CCDC88C: variants seen among roughly 807,000 people sequenced by gnomAD.
CCDC88C encodes the protein coiled-coil and HOOK domain protein 88C, also known as protein Daple.
In CCDC88C, 131 loss-of-function variants were observed where a neutral mutation model predicts 198.8. That is an observed-to-expected ratio of 0.66 (90% confidence interval 0.57 to 0.76). The LOEUF (loss-of-function observed/expected upper bound fraction) is 0.76, where lower values mean the gene tolerates loss of function less well. Ranked by LOEUF, CCDC88C falls within the 30% of genes least tolerant of loss-of-function variation. CCDC88C has a pLI of 0.00. For synonymous variants in CCDC88C, 1,166 were observed against 1,114.7 expected, an observed-to-expected ratio of 1.05 and a Z score of -0.92; for missense variants, 2,553 against 2,631.6, an observed-to-expected ratio of 0.97 and a Z score of 0.65.
At chr14:91,277,859 C>CTTGA (rs1890027844) in intron 29 of CCDC88C, 63 bp downstream of exon 29, 2 of 1,442,860 alleles carry the variant, frequency 1.4e-6, no homozygotes, top group Non-Finnish European at 1.8e-6. Context: ...CAGCTATGAT[C>CTTGA]TTGAGCCAGG....
chr14:91,372,006 C>T (rs551977941), intron 3 of CCDC88C, among the ~76,000 whole-genome samples: 6 of 152,298 alleles, frequency 3.9e-5, no homozygotes, highest in Non-Finnish European at 8.8e-5. Flanking sequence ...CCAACCTGAG[C>T]CCAGGCCTCA....
At position 91,393,773 on chromosome 14, in the gene CCDC88C, G is replaced by A. The variant is rs555838215; in HGVS notation, c.270+14886C>T. Among the ~76,000 whole-genome samples the A allele has an allele frequency of 4.6e-5, 7 of 152,346 alleles. No homozygotes were observed. In the South Asian group the frequency reaches 1.4e-3, roughly 32 times the overall value. On this transcript the variant is annotated intron_variant, in intron 3 of 29. Coordinates refer to ENST00000389857, the MANE Select transcript of CCDC88C (RefSeq NM_001080414.4). ...GGAGGCTGAGGCAGGAGAATTGCTT[G>A]AACCTGGGAGACAGAGGTTGCAGTG...
chr14:91,272,872 G>A lies in CCDC88C; in HGVS notation c.5840C>T (p.Ser1947Leu). ...AGGGGTGATGGTGGCCACCTCCCCT[G>A]AGCGTGGGGGCGCCTTGGGCTTGGT... ...ARTKPKAPPR[S>L]GEVATITPVR... The change falls in exon 30 of 30, where the codon TCA (serine) becomes TTA (leucine). Residue 1947 changes from serine (S) to leucine (L), a missense_variant. Ser to Leu is a moderately radical substitution (Grantham distance 145). This residue lies in a region of CCDC88C where 1,293 missense variants were observed against 1,219.6 expected (regional missense o/e 1.06). Coordinates refer to ENST00000389857, the MANE Select transcript of CCDC88C (RefSeq NM_001080414.4). 1 of 1,591,320 alleles carries A rather than the reference G, an allele frequency of 6.3e-7. No homozygotes were observed.
At chr14:91,415,345 C>T (rs1018864338) in intron 2 of CCDC88C, among the ~76,000 whole-genome samples, 58 of 150,584 alleles carry the variant, frequency 3.9e-4, no homozygotes, top group African/African-American at 1.2e-3. Flanking sequence ...TTGGTAGTGA[C>T]TTTTTTTCCT....
In CCDC88C at chr14:91,417,188, G is replaced by GC. The variant is rs147942523; in HGVS notation, c.61-351dup. ...CAGTCTGTTCGCTTTCCCATTCGGC[G>GC]CCCCCCATTCCCCACCCGTCACCGC... On this transcript the variant is annotated intron_variant, in intron 1 of 29. Coordinates refer to ENST00000389857, the MANE Select transcript of CCDC88C (RefSeq NM_001080414.4). 3 of 702,866 alleles carry GC rather than the reference G, an allele frequency of 4.3e-6. No homozygotes were observed. The African/African-American group carries it at 5.2e-5, about 12-fold the overall frequency. 43.5% of individuals were successfully genotyped at this position (702,866 alleles called of 1,614,324 possible). A position where few individuals can be genotyped will look rare whatever the true frequency, so the allele number is the denominator to read the frequency against.
intron 29 of CCDC88C, among the ~76,000 whole-genome samples, chr14:91,274,176 G>A (rs904358561): frequency 6.6e-6 from 1 of 151,018 alleles, no homozygotes; most frequent in African/African-American, 2.4e-5. Context: ...CTCTGGGCCC[G>A]AGAAAGAGAA....
chr14:91,323,126 G>A (rs1304427913), intron 12 of CCDC88C, among the ~76,000 whole-genome samples: 2 of 151,996 alleles, frequency 1.3e-5, no homozygotes, highest in Non-Finnish European at 2.9e-5. Flanking sequence ...GGCTGGTCTT[G>A]AACTCCTGAC....
chr14:91,309,283 CTG>C (rs1168974495), intron 16 of CCDC88C, among the ~76,000 whole-genome samples: 1 of 152,076 alleles, frequency 6.6e-6, no homozygotes, highest in East Asian at 1.9e-4. Flanking sequence ...CAGGGAAAAA[CTG>C]TAATAGTCTA....
At chr14:91,363,632 G>T (rs746453259) in intron 3 of CCDC88C, among the ~76,000 whole-genome samples, 5 of 152,192 alleles carry the variant, frequency 3.3e-5, no homozygotes, top group Non-Finnish European at 5.9e-5. Context: ...GTATTCCCAG[G>T]TTGTTCCAAA....
In CCDC88C at chr14:91,338,035, G is replaced by A. The variant is rs17127255; in HGVS notation, c.1020C>T (p.His340=). 6.0e-3 allele frequency: 9,676 copies of A among 1,613,004 alleles called. 529 individuals carry two copies. The African/African-American group carries it at 0.11, about 18-fold the overall frequency. Residue 340 remains histidine, a synonymous_variant, in exon 10 of 30, where the codon CAC becomes CAT. Transcript: ENST00000389857. The surrounding 1 kb of genome is among the most constrained non-coding windows in gnomAD (Gnocchi z 4.8). The stretch of plus-strand genomic sequence containing the variant: ...TGCGGGCCTTGTAGAAGTCCACGTC[G>A]TGCAGCTTCTCCTTGCAGCGGGTCA... The part of the protein sequence containing the change: ...LELTRCKEKL[H]DVDFYKARME...
intron 3 of CCDC88C, among the ~76,000 whole-genome samples, chr14:91,365,850 C>T (rs1469069241): frequency 5.9e-5 from 9 of 152,152 alleles, no homozygotes; most frequent in Non-Finnish European, 1.2e-4. Flanking sequence ...CGCTGGGGAA[C>T]GGTTCAGGAC....
At chr14:91,345,686 A>G (rs1371358237) in intron 4 of CCDC88C, among the ~76,000 whole-genome samples, 1 of 152,124 alleles carries the variant, frequency 6.6e-6, no homozygotes, top group Non-Finnish European at 1.5e-5. Flanking sequence ...CAACTTTGTC[A>G]ATCAGGCCAA....
rs758962237 is a variant in CCDC88C at position 91,300,025 on chromosome 14, C to T, written c.3681G>A (p.Glu1227=). The T allele has an allele frequency of 6.2e-7, 1 of 1,605,380 alleles. No individual in the cohort carries two copies. The highest frequency in any genetic ancestry group is 1.1e-5 in the South Asian group (1 of 89,228). The change falls in exon 21 of 30, where the codon GAG becomes GAA. Residue 1227 remains glutamate (E), a synonymous_variant. Coordinates refer to ENST00000389857, the MANE Select transcript of CCDC88C (RefSeq NM_001080414.4). ...CCTCTCGCTCAGTGGTCAAGACCTTCTCCCGCTCCTCCAGCTCCGCCTTGC... is the reference window on the plus strand; with the variant it reads ...CCTCTCGCTCAGTGGTCAAGACCTTTTCCCGCTCCTCCAGCTCCGCCTTGC... ...LKRKAELEER[E]KVLTTEREAL...
chr14:91,293,571 C>G lies in CCDC88C; in HGVS notation c.4112+602G>C, dbSNP rs74086363. 7.3e-3 allele frequency among the ~76,000 whole-genome samples: 203 copies of G among 27,882 alleles called. 4 individuals are homozygous for G. The highest frequency in any genetic ancestry group is 0.011 in the African/African-American group (66 of 6,080). The allele number at this position is 27,882 out of a possible 152,430, so 18.3% of individuals were successfully genotyped here. A position where few individuals can be genotyped will look rare whatever the true frequency, so the allele number is the denominator to read the frequency against. Reference sequence around the variant, plus strand: ...TCCTGTCCCCTCGCCTGCCACGGCCCACCTTCCTGTCCCCTCGCCTGCCAT... The same window carrying G: ...TCCTGTCCCCTCGCCTGCCACGGCCGACCTTCCTGTCCCCTCGCCTGCCAT... On this transcript the variant is annotated intron_variant, in intron 23 of 29. Transcript: ENST00000389857.
chr14:91,375,492 A>AGG (rs1372331181), intron 3 of CCDC88C, among the ~76,000 whole-genome samples: 6 of 151,340 alleles, frequency 4.0e-5, no homozygotes, highest in Non-Finnish European at 7.4e-5. Context: ...GGTGGGGAAG[A>AGG]GGGGGGTGGG....
At chr14:91,374,668 C>T (rs1894993484) in intron 3 of CCDC88C, among the ~76,000 whole-genome samples, 1 of 152,208 alleles carries the variant, frequency 6.6e-6, no homozygotes, top group Non-Finnish European at 1.5e-5. Flanking sequence ...CCTGGGGTGG[C>T]CCAACCGACC....
rs369411754 is a variant in CCDC88C, at chr14:91,313,641, C to T, written c.2175G>A (p.Gln725=). Residue 725 remains glutamine (Q), a synonymous_variant, in exon 15 of 30, where the codon CAG becomes CAA. Transcript: ENST00000389857. The surrounding 1 kb of genome is among the most constrained non-coding windows in gnomAD (Gnocchi z 5.2). The part of the protein sequence containing the change: ...TMRFTSTKLA[Q]MERENQQLER... ...CCAGCTGCTGGTTCTCCCTCTCCAT[C>T]TGTGCCAGCTTGGTGCTGGTGAAGC... The T allele has an allele frequency of 1.4e-5, 23 of 1,612,590 alleles. No homozygotes were observed. Among genetic ancestry groups the T allele is most frequent in the Non-Finnish European group, 1.8e-5 (21 of 1,179,904 alleles).
rs773457138 is a variant in CCDC88C at position 91,339,421 on chromosome 14, T to A, written c.666A>T (p.Ala222=). 1 of 1,610,616 alleles carries A rather than the reference T, an allele frequency of 6.2e-7. No individual in the cohort carries two copies. Among genetic ancestry groups the A allele is most frequent in the African/African-American group, 1.3e-5 (1 of 74,978 alleles). Residue 222 remains alanine (A), a synonymous_variant, in exon 8 of 30, where the codon GCA becomes GCT. Transcript: ENST00000389857. The surrounding 1 kb of genome is among the most constrained non-coding windows in gnomAD (Gnocchi z 5.8). The part of the protein sequence containing the change: ...DLTQERDYLQ[A]QHPPSPIKSS... ...ACTTGATGGGGCTGGGTGGATGCTG[T>A]GCCTGCAGGTAGTCCCGTTCCTGAG...
chr14:91,313,954 T>A lies in CCDC88C; in HGVS notation c.1862A>T (p.Glu621Val). ...CCGCTCCCCCTTCTCCTTGGCCTGC[T>A]CCAAGTCCCTGTGCAGCTGCCGCTT... ...FEKRQLHRDL[E>V]QAKEKGERAE... Residue 621 changes from glutamate (E) to valine (V), a missense_variant, in exon 15 of 30, where the codon GAG becomes GTG. Physicochemically the swap from Glu to Val is moderately radical, Grantham distance 121 (BLOSUM62 -2). Around this residue, in one of 2 missense-constraint regions of CCDC88C, gnomAD observed 1,260 missense variants for 1,412.0 expected, o/e 0.89. Coordinates refer to ENST00000389857, the MANE Select transcript of CCDC88C (RefSeq NM_001080414.4). This position sits in a 1 kb window ranked among gnomAD's most constrained non-coding sequence, Gnocchi z 5.2. 1 of 1,613,544 alleles carries A rather than the reference T, an allele frequency of 6.2e-7. No individual in the cohort carries two copies. The highest frequency in any genetic ancestry group is 8.5e-7 in the Non-Finnish European group (1 of 1,179,826).
Sources: allele counts gnomAD v4.1 joint callset (sites outside exome capture counted in the v4.1 genomes callset), GRCh38; gene constraint gnomAD v4.1.1; regional missense constraint gnomAD v4.1.1; non-coding constraint Gnocchi (gnomAD v3.1); transcripts MANE v1.5; gene names NCBI Gene and HGNC (gene_info 2026-07-23, HGNC 2026-07-21).